The following JAKMIP1 variants were observed in gnomAD, a reference collection of about 807,000 sequenced individuals.
The protein encoded by JAKMIP1 is janus kinase and microtubule interacting protein 1.
A neutral mutation model predicts 113.0 loss-of-function variants in JAKMIP1; 33 were observed. That is an observed-to-expected ratio of 0.29 (90% CI 0.22 to 0.39). JAKMIP1 has a LOEUF of 0.39. Ranked by LOEUF, JAKMIP1 falls within the 10% of genes least tolerant of loss-of-function variation. The pLI is 1.00. For synonymous variants in JAKMIP1, 480 were observed against 459.9 expected, an observed-to-expected ratio of 1.04 and a Z score of -0.56; for missense variants, 813 against 1,080.5, an observed-to-expected ratio of 0.75 and a Z score of 3.47.
In JAKMIP1 at chr4:6,186,683, G is replaced by A. The variant is rs1726687964; in HGVS notation, c.-148+13570C>T. 6.6e-6 allele frequency among the ~76,000 whole-genome samples: 1 copy of A among 152,162 alleles called. No homozygotes were observed. The highest frequency in any genetic ancestry group is 2.1e-4 in the South Asian group (1 of 4,828). Reference sequence around the variant, plus strand: ...TCTAGTGTTCTATAGGTTTCCACTAGGTCTAATTGGTGTGCAGTGTTGTTC... The same window carrying A: ...TCTAGTGTTCTATAGGTTTCCACTAAGTCTAATTGGTGTGCAGTGTTGTTC... On this transcript the variant is annotated intron_variant, in intron 1 of 20. Coordinates refer to ENST00000409021, the MANE Select transcript of JAKMIP1 (RefSeq NM_001099433.2). The surrounding 1 kb of genome is among the most constrained non-coding windows in gnomAD (Gnocchi z 5.5).
rs1297976661 is a variant in JAKMIP1 at position 6,185,137 on chromosome 4, C to A, written c.-148+15116G>T. Among the ~76,000 whole-genome samples, 1 of 152,230 alleles carries A rather than the reference C, an allele frequency of 6.6e-6. No homozygotes were observed. The highest frequency in any genetic ancestry group is 2.4e-5 in the African/African-American group (1 of 41,464). The stretch of plus-strand genomic sequence containing the variant: ...TTTGAGGTTTTGGGACTCGAACTGG[C>A]TTCCTTGCTCCTCAGCTTGCAGATG... On this transcript the variant is annotated intron_variant, in intron 1 of 20. Transcript: ENST00000409021. The surrounding 1 kb of genome is among the most constrained non-coding windows in gnomAD (Gnocchi z 5.3).
chr4:6,183,031 G>A lies in JAKMIP1; in HGVS notation c.-148+17222C>T, dbSNP rs1490636514. Among the ~76,000 whole-genome samples the A allele has an allele frequency of 1.3e-5, 2 of 152,174 alleles. No individual in the cohort carries two copies. Among genetic ancestry groups the A allele is most frequent in the East Asian group, 3.9e-4 (2 of 5,190 alleles). ...CAGCTCAGCCAGTGATGGTCCTGGA[G>A]GCTCCAGGTTCCCAGGTCCCATCTT... On this transcript the variant is annotated intron_variant, in intron 1 of 20. Coordinates refer to ENST00000409021, the MANE Select transcript of JAKMIP1 (RefSeq NM_001099433.2). The surrounding 1 kb of genome is among the most constrained non-coding windows in gnomAD (Gnocchi z 5.3).
At position 6,181,201 on chromosome 4, in the gene JAKMIP1, T is replaced by A. The variant is rs867125792; in HGVS notation, c.-148+19052A>T. Among the ~76,000 whole-genome samples the A allele has an allele frequency of 6.6e-6, 1 of 152,310 alleles. No individual in the cohort carries two copies. The highest frequency in any genetic ancestry group is 1.9e-4 in the East Asian group (1 of 5,186). On this transcript the variant is annotated intron_variant, in intron 1 of 20. Coordinates refer to ENST00000409021, the MANE Select transcript of JAKMIP1 (RefSeq NM_001099433.2). The surrounding 1 kb of genome is among the most constrained non-coding windows in gnomAD (Gnocchi z 5.4). Reference sequence around the variant, plus strand: ...ACAGACACCTACCAAACACCTCCTGTGTGCACAAGGCTTTGTGAGATGTGC... The same window carrying A: ...ACAGACACCTACCAAACACCTCCTGAGTGCACAAGGCTTTGTGAGATGTGC...
chr4:6,103,196 G>A (rs984043645), intron 3 of JAKMIP1, among the ~76,000 whole-genome samples: 1 of 151,938 alleles, frequency 6.6e-6, no homozygotes, highest in African/African-American at 2.4e-5. Flanking sequence ...TTCTTTTCCT[G>A]GTTTTCGGAG....
rs1457093287 is a variant in JAKMIP1 at position 6,140,810 on chromosome 4, A to G, written c.-147-27813T>C. On this transcript the variant is annotated intron_variant, in intron 1 of 20. Coordinates refer to ENST00000409021, the MANE Select transcript of JAKMIP1 (RefSeq NM_001099433.2). The surrounding 1 kb of genome is among the most constrained non-coding windows in gnomAD (Gnocchi z 9.4). ...AGATGCAATTAAGTAGGCAATTGTA[A>G]TAAAGAAAATTACTGACCTCAGGTC... Among the ~76,000 whole-genome samples, 2 of 152,190 alleles carry G rather than the reference A, an allele frequency of 1.3e-5. No homozygotes were observed. The highest frequency in any genetic ancestry group is 2.9e-5 in the Non-Finnish European group (2 of 68,032).
At position 6,079,001 on chromosome 4, in the gene JAKMIP1, A is replaced by G; in HGVS notation, c.1243-3T>C. 3 of 1,614,154 alleles carry G rather than the reference A, an allele frequency of 1.9e-6. No individual in the cohort carries two copies. The highest frequency in any genetic ancestry group is 1.3e-5 in the African/African-American group (1 of 75,050). On this transcript the variant is annotated splice_region_variant and splice_polypyrimidine_tract_variant and intron_variant, in intron 7 of 20. Coordinates refer to ENST00000409021, the MANE Select transcript of JAKMIP1 (RefSeq NM_001099433.2). ...GAGCGCAACAGCCGTTCTCTCTCCT[A>G]GAAGGAAACACAACGGTTGGCATTT...
In JAKMIP1 at chr4:6,081,862, G is replaced by T; in HGVS notation, c.955-107C>A. 1.6e-6 allele frequency: 2 copies of T among 1,288,596 alleles called. No homozygotes were observed. The highest frequency in any genetic ancestry group is 1.5e-5 in the African/African-American group (1 of 68,186). The allele number at this position is 1,288,596 out of a possible 1,614,324, so 79.8% of individuals were successfully genotyped here. On this transcript the variant is annotated intron_variant, in intron 5 of 20. Coordinates refer to ENST00000409021, the MANE Select transcript of JAKMIP1 (RefSeq NM_001099433.2). The surrounding 1 kb of genome is among the most constrained non-coding windows in gnomAD (Gnocchi z 4.6). ...CAACCCAGTTAGGACCCCTTCTGAG[G>T]CCAGTGTCCTGGATGACACATTTGT...
At chr4:6,072,290 T>A (rs1292381060) in intron 8 of JAKMIP1, among the ~76,000 whole-genome samples, 1 of 152,238 alleles carries the variant, frequency 6.6e-6, no homozygotes, top group Non-Finnish European at 1.5e-5. Flanking sequence ...GGCTCAGATC[T>A]GTCTCCAGGG....
chr4:6,120,248 A>G (rs1332457560), intron 1 of JAKMIP1, among the ~76,000 whole-genome samples: 1 of 151,614 alleles, frequency 6.6e-6, no homozygotes, highest in Admixed American at 6.6e-5. Flanking sequence ...CTCTCTGAGT[A>G]AGTACATGAC....
intron 1 of JAKMIP1, among the ~76,000 whole-genome samples, chr4:6,133,729 G>A (rs964190731): frequency 3.9e-5 from 6 of 152,282 alleles, no homozygotes; most frequent in African/African-American, 7.2e-5. Context: ...TGTTCCCCAC[G>A]GTGTCCTTGG....
At chr4:6,107,609 C>T (rs148973569) in intron 2 of JAKMIP1, among the ~76,000 whole-genome samples, 21 of 152,310 alleles carry the variant, frequency 1.4e-4, no homozygotes, top group Middle Eastern at 3.4e-3. Context: ...CTCTGCCTCC[C>T]GGCTGCACTG....
rs1718410943 is a variant in JAKMIP1 at position 6,067,953 on chromosome 4, GT to G, written c.1303-2946del. ...CTGCAAGGCCTTTGGGGACGAGTCT[GT>G]TTGTTGCTGTAGCCCAGGAAGCATC... On this transcript the variant is annotated intron_variant, in intron 8 of 20. Transcript: ENST00000409021. The surrounding 1 kb of genome is among the most constrained non-coding windows in gnomAD (Gnocchi z 4.6). Among the ~76,000 whole-genome samples, 1 of 152,212 alleles carries G rather than the reference GT, an allele frequency of 6.6e-6. No homozygotes were observed. The highest frequency in any genetic ancestry group is 6.5e-5 in the Admixed American group (1 of 15,292).
intron 1 of JAKMIP1, among the ~76,000 whole-genome samples, chr4:6,165,255 A>G (rs1261156640): frequency 6.6e-6 from 1 of 152,244 alleles, no homozygotes; most frequent in Admixed American, 6.5e-5. Flanking sequence ...GATAGTCATC[A>G]GCATTATTTA....
At position 6,138,087 on chromosome 4, in the gene JAKMIP1, G is replaced by C. The variant is rs980633469; in HGVS notation, c.-147-25090C>G. Among the ~76,000 whole-genome samples, 1 of 152,136 alleles carries C rather than the reference G, an allele frequency of 6.6e-6. No individual in the cohort carries two copies. ...ACTCTGGGGGTCAAGCCTAAGCCCA[G>C]ACAAGACTCTGCTCCCTGACCTTCC... is the stretch of plus-strand genomic sequence containing the variant. On this transcript the variant is annotated intron_variant, in intron 1 of 20. Transcript: ENST00000409021. This position sits in a 1 kb window ranked among gnomAD's most constrained non-coding sequence, Gnocchi z 6.0.
rs755457847 is a variant in JAKMIP1, at chr4:6,105,720, T to A, written c.377A>T (p.Asp126Val). 5 of 1,601,774 alleles carry A rather than the reference T, an allele frequency of 3.1e-6. No homozygotes were observed. In the Admixed American group the frequency reaches 8.4e-5, roughly 27 times the overall value. Reference protein sequence around the residue: ...TLNVLRDGAADKVKTALLTEA... With the variant: ...TLNVLRDGAAVKVKTALLTEA... ...GGTCAGCAGCGCCGTCTTGACCTTG[T>A]CGGCCGCGCCGTCGCGCAGCACGTT... Residue 126 changes from aspartate (D) to valine (V), a missense_variant, in exon 3 of 21, where the codon GAC (aspartate) becomes GTC (valine). Physicochemically the swap from Asp to Val is radical, Grantham distance 152. Around this residue, in one of 2 missense-constraint regions of JAKMIP1, gnomAD observed 540 missense variants for 653.9 expected, o/e 0.83. Coordinates refer to ENST00000409021, the MANE Select transcript of JAKMIP1 (RefSeq NM_001099433.2).
chr4:6,070,546 C>T (rs953123334), intron 8 of JAKMIP1, among the ~76,000 whole-genome samples: 2 of 152,252 alleles, frequency 1.3e-5, no homozygotes, highest in Non-Finnish European at 2.9e-5. Flanking sequence ...TCCCAGATCC[C>T]GTCCTCCCTG....
Position 6,027,629 on chromosome 4 carries a change from C to G in JAKMIP1, c.2446-1351G>C, listed in dbSNP as rs1200346964. On this transcript the variant is annotated intron_variant, in intron 20 of 20. Coordinates refer to ENST00000409021, the MANE Select transcript of JAKMIP1 (RefSeq NM_001099433.2). ...GGCCTCGTCAGGCATCCATCCTGGC[C>G]AGTTCCTCCTGCTCTGCATGCCAGC... Among the ~76,000 whole-genome samples the G allele has an allele frequency of 2.0e-5, 3 of 152,294 alleles. No individual in the cohort carries two copies. In the East Asian group the frequency reaches 5.8e-4, roughly 29 times the overall value.
In JAKMIP1 at chr4:6,168,500, GA is replaced by G. The variant is rs140704282; in HGVS notation, c.-148+31752del. On this transcript the variant is annotated intron_variant, in intron 1 of 20. Transcript: ENST00000409021. This position sits in a 1 kb window ranked among gnomAD's most constrained non-coding sequence, Gnocchi z 4.6. ...GAAGTCTCAACACCTGCTACGACAT[GA>G]ATGAACCTGGAAAACATTCCACTAA... Among the ~76,000 whole-genome samples, 2,319 of 152,238 alleles carry G rather than the reference GA, an allele frequency of 0.015. 55 individuals are homozygous for G. Among genetic ancestry groups the G allele is most frequent in the African/African-American group, 0.053 (2,221 of 41,526 alleles).
At chr4:6,125,842 C>CACCAT (rs1295459425) in intron 1 of JAKMIP1, among the ~76,000 whole-genome samples, 1 of 56,604 alleles carries the variant, frequency 1.8e-5, no homozygotes, top group Non-Finnish European at 3.1e-5. Context: ...CAGAAACACA[C>CACCAT]ACACACCCCC....
Sources: gnomAD v4.1 joint callset for allele counts (sites outside exome capture counted in the v4.1 genomes callset) on GRCh38, gnomAD v4.1.1 for gene constraint, gnomAD v4.1.1 regional missense constraint, Gnocchi (gnomAD v3.1) non-coding constraint, MANE v1.5 for transcripts, NCBI Gene and HGNC (gene_info 2026-07-23, HGNC 2026-07-21) for gene names.